Variants in HNRNPU observed in about 807,000 individuals in gnomAD.
HNRNPU encodes HNRNPU antisense RNA 1.
A neutral mutation model predicts 94.7 loss-of-function variants in HNRNPU; 5 were observed. The ratio of observed to expected loss-of-function variants is 0.05; its 90% CI spans 0.03 to 0.11. The LOEUF is 0.11. HNRNPU is among the 10% of genes least tolerant of loss of function. HNRNPU has a pLI of 1.00. For synonymous variants in HNRNPU, 434 were observed against 381.6 expected (o/e 1.14, Z -1.60); for missense variants, 710 against 1,049.2 (o/e 0.68, Z 4.47).
At chr1:244,859,933 C>T (rs572541470) in intron 4 of HNRNPU, 9 of 163,834 alleles carry the variant, frequency 5.5e-5, no homozygotes, top group Admixed American at 2.6e-4. Context: ...GAGGCTCAGG[C>T]GGGCAGATCA....
chr1:244,852,835 G>A lies in HNRNPU; in HGVS notation c.*1615C>T, dbSNP rs903164477. The A allele has an allele frequency of 6.6e-6, 1 of 152,524 alleles. No individual in the cohort carries two copies. Among genetic ancestry groups the A allele is most frequent in the Non-Finnish European group, 1.5e-5 (1 of 67,990 alleles). The allele number at this position is 152,524 out of a possible 1,614,324, so 9.4% of individuals were successfully genotyped here. A position where few individuals can be genotyped will look rare whatever the true frequency, so the allele number is the denominator to read the frequency against. On this transcript the variant is annotated 3_prime_UTR_variant, in exon 14 of 14. Transcript: ENST00000640218. Reference sequence around the variant, plus strand: ...AGCAACCTAAAAACACCAAGGAAACGCTAGACTGAAGTCAAATTTTAGTTC... The same window carrying A: ...AGCAACCTAAAAACACCAAGGAAACACTAGACTGAAGTCAAATTTTAGTTC...
At chr1:244,855,131 G>C (rs992143845) in intron 12 of HNRNPU, 87 bp from the exon 13 acceptor site, 2 of 1,033,612 alleles carry the variant, frequency 1.9e-6, no homozygotes, top group Non-Finnish European at 3.0e-6. Flanking sequence ...GAAATGGACA[G>C]GTTGCTAGCC....
intron 1 of HNRNPU, 147 bp from the exon 2 acceptor site, chr1:244,862,877 C>A (rs1680876088): frequency 1.5e-6 from 1 of 680,050 alleles, no homozygotes; most frequent in East Asian, 2.5e-5. Flanking sequence ...AAAGAACAAT[C>A]AACTACGAAT....
At chr1:244,857,412 A>G (rs1312198339) in intron 8 of HNRNPU, 186 bp downstream of exon 8, 1 of 559,986 alleles carries the variant, frequency 1.8e-6, no homozygotes, top group Non-Finnish European at 3.1e-6. Context: ...ACACCCAGCT[A>G]ATTTTTAAAT....
chr1:244,863,344 C>T (rs1680898967), intron 1 of HNRNPU, among the ~76,000 whole-genome samples: 1 of 150,626 alleles, frequency 6.6e-6, no homozygotes, highest in African/African-American at 2.4e-5. Flanking sequence ...ACAGCGGCAG[C>T]TGCAGCTCCC....
At chr1:244,855,661 A>T in intron 11 of HNRNPU, 53 bp from the exon 12 acceptor site, 1 of 1,566,246 alleles carries the variant, frequency 6.4e-7, no homozygotes, top group East Asian at 2.2e-5. Context: ...CTACTTATAC[A>T]GAAGACTTAG....
At chr1:244,862,392 T>A (rs1175325076) in intron 3 of HNRNPU, 69 bp downstream of exon 3, 10 of 912,424 alleles carry the variant, frequency 1.1e-5, no homozygotes, top group African/African-American at 3.0e-5. Context: ...GCATTAAGAC[T>A]TCTAAAAAAA....
intron 10 of HNRNPU, 25 bp downstream of exon 10, chr1:244,856,432 C>T (rs780735707): frequency 6.3e-7 from 1 of 1,593,438 alleles, no homozygotes; most frequent in Non-Finnish European, 8.6e-7. Flanking sequence ...AGATTTCACA[C>T]AGTAACAGAA....
Position 244,864,493 on chromosome 1 carries a change from G to T in HNRNPU, c.-186C>A. 9.9e-7 allele frequency: 1 copy of T among 1,010,354 alleles called. No individual in the cohort carries two copies. Among genetic ancestry groups the T allele is most frequent in the Non-Finnish European group, 1.4e-6 (1 of 721,758 alleles). The allele number at this position is 1,010,354 out of a possible 1,614,324, so 62.6% of individuals were successfully genotyped here. On this transcript the variant is annotated 5_prime_UTR_variant, in exon 1 of 14. Transcript: ENST00000640218. ...GGCGCCAATTCCTTTCACCGAGTTCGCGAGGGAGACGCGGAGACTCGCCTG... is the reference window on the plus strand; with the variant it reads ...GGCGCCAATTCCTTTCACCGAGTTCTCGAGGGAGACGCGGAGACTCGCCTG...
intron 3 of HNRNPU, 112 bp from the exon 4 acceptor site, chr1:244,860,586 C>G: frequency 1.3e-6 from 1 of 741,168 alleles, no homozygotes; most frequent in South Asian, 1.9e-5. Context: ...TGCTGCACAA[C>G]TTTTCTCCAC....
intron 3 of HNRNPU, chr1:244,862,154 T>C: frequency 3.5e-6 from 1 of 289,136 alleles, no homozygotes; most frequent in Non-Finnish European, 6.4e-6. Context: ...TAAGGCTAAA[T>C]TATAGGTAGT....
At position 244,851,856 on chromosome 1, in the gene HNRNPU, C is replaced by T. The variant is rs886927279; in HGVS notation, c.*2594G>A. ...TATCTCATAGCAGTTTTAGTTTTCT[C>T]ATAGCTATCTCATAGCAGTTTTAGT... On this transcript the variant is annotated 3_prime_UTR_variant, in exon 14 of 14. Transcript: ENST00000640218. 1 of 152,158 alleles carries T rather than the reference C, an allele frequency of 6.6e-6. No individual in the cohort carries two copies. The highest frequency in any genetic ancestry group is 1.5e-5 in the Non-Finnish European group (1 of 68,020). The allele number at this position is 152,158 out of a possible 1,614,324, so 9.4% of individuals were successfully genotyped here.
In HNRNPU at chr1:244,863,723, C is replaced by G; in HGVS notation, c.585G>C (p.Ala195=). 6.4e-7 allele frequency: 1 copy of G among 1,569,902 alleles called. No homozygotes were observed. The highest frequency in any genetic ancestry group is 8.6e-7 in the Non-Finnish European group (1 of 1,164,314). Residue 195 remains alanine (A), a synonymous_variant, in exon 1 of 14, where the codon GCG becomes GCC. Coordinates refer to ENST00000640218, the MANE Select transcript of HNRNPU (RefSeq NM_031844.3). ...GKSSGPTSLF[A]VTVAPPGARQ... Reference sequence around the variant, plus strand: ...TCGCCCCGGGCGGCGCCACCGTCACCGCGAACAGCGAGGTGGGGCCGCTGC... The same window carrying G: ...TCGCCCCGGGCGGCGCCACCGTCACGGCGAACAGCGAGGTGGGGCCGCTGC...
At chr1:244,854,848 T>G in intron 13 of HNRNPU, 125 bp downstream of exon 13, 1 of 788,156 alleles carries the variant, frequency 1.3e-6, no homozygotes, top group Non-Finnish European at 2.1e-6. Flanking sequence ...GCAAGACGAT[T>G]CACACTTTAC....
chr1:244,857,804 C>CT (rs1680719310), intron 7 of HNRNPU, 87 bp from the exon 8 acceptor site: 2 of 1,501,990 alleles, frequency 1.3e-6, no homozygotes, highest in South Asian at 2.6e-5. Flanking sequence ...ATTTAAATAT[C>CT]TAAGTTTTCA....
intron 8 of HNRNPU, chr1:244,857,309 G>T: frequency 3.6e-6 from 1 of 278,228 alleles, no homozygotes; most frequent in Non-Finnish European, 6.6e-6. Context: ...ACAATGGCAC[G>T]ATCTCAACTC....
Position 244,859,394 on chromosome 1 carries a change from A to G in HNRNPU, c.1018-20T>C. ...TGTAACCTGAAAGTCAAATCATTAA[A>G]TAATTAAAATAATACACCAAGGAGG... is the stretch of plus-strand genomic sequence containing the variant. On this transcript the variant is annotated intron_variant, in intron 4 of 13. Coordinates refer to ENST00000640218, the MANE Select transcript of HNRNPU (RefSeq NM_031844.3). 8.8e-7 allele frequency: 1 copy of G among 1,139,140 alleles called. No homozygotes were observed. The highest frequency in any genetic ancestry group is 1.3e-6 in the Non-Finnish European group (1 of 750,834). 70.6% of individuals were successfully genotyped at this position (1,139,140 alleles called of 1,614,324 possible). A position where few individuals can be genotyped will look rare whatever the true frequency, so the allele number is the denominator to read the frequency against.
rs1311804881 is a variant in HNRNPU, at chr1:244,857,017, T to TA, written c.1615-162dup. The stretch of plus-strand genomic sequence containing the variant: ...CAAAAACAGGGTCACTTAAACTATG[T>TA]AACAAGACCTTACACTTACTCAATT... On this transcript the variant is annotated intron_variant, in intron 8 of 13. Transcript: ENST00000640218. The TA allele has an allele frequency of 5.0e-6, 3 of 598,656 alleles. No individual in the cohort carries two copies. The African/African-American group carries it at 5.7e-5, about 11-fold the overall frequency. The allele number at this position is 598,656 out of a possible 1,614,324, so 37.1% of individuals were successfully genotyped here. A position where few individuals can be genotyped will look rare whatever the true frequency, so the allele number is the denominator to read the frequency against.
Position 244,862,642 on chromosome 1 carries a change from G to A in HNRNPU, c.780C>T (p.Tyr260=), listed in dbSNP as rs1316501051. 1 of 1,613,398 alleles carries A rather than the reference G, an allele frequency of 6.2e-7. No individual in the cohort carries two copies. The highest frequency in any genetic ancestry group is 1.7e-5 in the Admixed American group (1 of 60,020). The change falls in exon 2 of 14, where the codon TAC becomes TAT. Residue 260 remains tyrosine, a synonymous_variant. Transcript: ENST00000640218. ...REDHGRGYFE[Y]IEENKYSRAK... ...ACCTGCTATACTTGTTCTCTTCAAT[G>A]TACTCAAAATATCCACGGCCATGAT...
Sources: gnomAD v4.1 joint callset for allele counts (sites outside exome capture counted in the v4.1 genomes callset) on GRCh38, gnomAD v4.1.1 for gene constraint, MANE v1.5 for transcripts, NCBI Gene and HGNC (gene_info 2026-07-23, HGNC 2026-07-21) for gene names.